Variants in PSMD14 observed in about 807,000 individuals in gnomAD.
PSMD14 encodes proteasome 26S subunit, non-ATPase 14.
PSMD14 carries 7 observed loss-of-function variants against 41.2 expected under a neutral mutation model. That is an observed-to-expected ratio of 0.17 (90% CI 0.10 to 0.32). The LOEUF (loss-of-function observed/expected upper bound fraction) is 0.32, where lower values mean the gene tolerates loss of function less well. PSMD14 is among the 10% of genes least tolerant of loss of function. The pLI, the probability that PSMD14 is intolerant of heterozygous loss-of-function variation, is 1.00. For missense variants in PSMD14, 139 were observed against 375.6 expected (o/e 0.37, Z 5.21); for synonymous variants, 114 against 122.3 (o/e 0.93, Z 0.45).
intron 3 of PSMD14, among the ~76,000 whole-genome samples, chr2:161,331,690 T>A (rs1180569758): frequency 6.6e-6 from 1 of 152,186 alleles, no homozygotes; most frequent in Non-Finnish European, 1.5e-5. Flanking sequence ...CATTGTAACA[T>A]CTAGAACAAA....
chr2:161,349,029 T>C (rs926417170), intron 3 of PSMD14, among the ~76,000 whole-genome samples: 2 of 152,198 alleles, frequency 1.3e-5, no homozygotes, highest in African/African-American at 4.8e-5. Context: ...CATCTTTCTA[T>C]CTTAGGCCGA....
intron 3 of PSMD14, among the ~76,000 whole-genome samples, chr2:161,326,943 C>T (rs928013434): frequency 1.3e-5 from 2 of 151,466 alleles, no homozygotes; most frequent in African/African-American, 4.9e-5. Flanking sequence ...TTTTTCCCTC[C>T]GATATTTTCT....
At chr2:161,343,020 A>C (rs1274108377) in intron 3 of PSMD14, among the ~76,000 whole-genome samples, 1 of 152,132 alleles carries the variant, frequency 6.6e-6, no homozygotes, top group Non-Finnish European at 1.5e-5. Context: ...AAAATCCATG[A>C]TTTATGTTCA....
At chr2:161,361,642 A>G (rs1315613390) in intron 3 of PSMD14, among the ~76,000 whole-genome samples, 1 of 152,244 alleles carries the variant, frequency 6.6e-6, no homozygotes, top group Non-Finnish European at 1.5e-5. Flanking sequence ...TAAATGAACA[A>G]ATAGTAAAGA....
In PSMD14 at chr2:161,351,911, C is replaced by T. The variant is rs763458528; in HGVS notation, c.49-15567C>T. Among the ~76,000 whole-genome samples the T allele has an allele frequency of 6.6e-5, 10 of 152,266 alleles. No homozygotes were observed. In the East Asian group the frequency reaches 1.4e-3, roughly 21 times the overall value. Reference sequence around the variant, plus strand: ...CCTCAAGAGGTTAGGGAAGTGCAGTCGTACTATGTGCCTGAGAGAGCGGAA... The same window carrying T: ...CCTCAAGAGGTTAGGGAAGTGCAGTTGTACTATGTGCCTGAGAGAGCGGAA... On this transcript the variant is annotated intron_variant, in intron 3 of 11. Transcript: ENST00000409682.
At position 161,408,864 on chromosome 2, in the gene PSMD14, C is replaced by A; in HGVS notation, c.799C>A (p.Pro267Thr). Residue 267 changes from proline (P) to threonine (T), a missense_variant, in exon 11 of 12, where the codon CCT becomes ACT. Physicochemically the swap from Pro to Thr is conservative, Grantham distance 38. Around this residue, in one of 4 missense-constraint regions of PSMD14, gnomAD observed 80 missense variants for 138.1 expected, o/e 0.58. Transcript: ENST00000409682. ...KAVEEEDKMT[P>T]EQLAIKNVGK... ...TGTAGAAGAAGAAGATAAGATGACA[C>A]CTGAACAGCTGGCAATAAAGAATGT... 2 of 1,607,346 alleles carry A rather than the reference C, an allele frequency of 1.2e-6. No individual in the cohort carries two copies. Among genetic ancestry groups the A allele is most frequent in the African/African-American group, 1.3e-5 (1 of 74,862 alleles).
chr2:161,358,063 G>A (rs1456126435), intron 3 of PSMD14, among the ~76,000 whole-genome samples: 3 of 152,058 alleles, frequency 2.0e-5, no homozygotes, highest in African/African-American at 4.8e-5. Context: ...AGTGGTAACA[G>A]CCTAAGCCAA....
chr2:161,333,923 T>C (rs547390608), intron 3 of PSMD14, among the ~76,000 whole-genome samples: 1 of 152,096 alleles, frequency 6.6e-6, no homozygotes, highest in African/African-American at 2.4e-5. Context: ...CACAGCTACT[T>C]GGTAGGCTGA....
intron 10 of PSMD14, among the ~76,000 whole-genome samples, chr2:161,406,027 A>C (rs1034840777): frequency 6.6e-6 from 1 of 152,134 alleles, no homozygotes; most frequent in Non-Finnish European, 1.5e-5. Flanking sequence ...AATCCATTGG[A>C]ATTGACCTCC....
intron 3 of PSMD14, among the ~76,000 whole-genome samples, chr2:161,324,319 G>C (rs973036868): frequency 6.6e-6 from 1 of 152,152 alleles, no homozygotes; most frequent in African/African-American, 2.4e-5. Flanking sequence ...CTTTGAATCA[G>C]TGAAAGCTAA....
rs756436351 is a variant in PSMD14, at chr2:161,371,229, T to C, written c.369T>C (p.Ser123=). 6 of 1,612,578 alleles carry C rather than the reference T, an allele frequency of 3.7e-6. No individual in the cohort carries two copies. The Admixed American group carries it at 5.0e-5, about 13-fold the overall frequency. The change falls in exon 7 of 12, where the codon TCT becomes TCC. Residue 123 remains serine (S), a synonymous_variant. Transcript: ENST00000409682. ...HSHPGFGCWL[S]GVDINTQQSF... ...ACCCTGGCTTTGGTTGTTGGCTTTC[T>C]GGTGTGGATATCAACACTCAGCAGA... is the stretch of plus-strand genomic sequence containing the variant.
chr2:161,369,244 A>T (rs1218798922), intron 5 of PSMD14, among the ~76,000 whole-genome samples: 1 of 151,980 alleles, frequency 6.6e-6, no homozygotes, highest in African/African-American at 2.4e-5. Context: ...TGATCCCTAT[A>T]TTCACTCTAA....
intron 3 of PSMD14, among the ~76,000 whole-genome samples, chr2:161,320,162 G>C (rs917713430): frequency 2.0e-5 from 3 of 152,204 alleles, no homozygotes; most frequent in African/African-American, 7.2e-5. Context: ...GAAGTGAGCA[G>C]AGGTGGTATG....
At chr2:161,378,050 C>T (rs1428870798) in intron 7 of PSMD14, among the ~76,000 whole-genome samples, 1 of 151,834 alleles carries the variant, frequency 6.6e-6, no homozygotes, top group Non-Finnish European at 1.5e-5. Context: ...TGACATTAGC[C>T]ATTGTTATTT....
intron 3 of PSMD14, among the ~76,000 whole-genome samples, chr2:161,367,252 A>C (rs1683371655): frequency 6.6e-6 from 1 of 152,226 alleles, no homozygotes; most frequent in African/African-American, 2.4e-5. Context: ...CGAAAGACTT[A>C]AACTTTATGT....
At chr2:161,398,945 A>G (rs576437638) in intron 10 of PSMD14, among the ~76,000 whole-genome samples, 1 of 152,120 alleles carries the variant, frequency 6.6e-6, no homozygotes, top group Non-Finnish European at 1.5e-5. Flanking sequence ...AAACATAAAA[A>G]TCTAAGAGAA....
chr2:161,359,322 T>TTA (rs1683257018), intron 3 of PSMD14, among the ~76,000 whole-genome samples: 2 of 152,162 alleles, frequency 1.3e-5, no homozygotes, highest in African/African-American at 2.4e-5. Flanking sequence ...TTTTATATGC[T>TTA]TATATATATG....
chr2:161,340,752 T>C, intron 3 of PSMD14: 15 of 1,610,648 alleles, frequency 9.3e-6, no homozygotes, highest in Non-Finnish European at 1.3e-5. Context: ...TTCCATTTTA[T>C]CTCTCAAGCT....
intron 8 of PSMD14, among the ~76,000 whole-genome samples, chr2:161,389,270 C>T (rs1048891549): frequency 2.6e-5 from 4 of 152,138 alleles, no homozygotes; most frequent in South Asian, 2.1e-4. Flanking sequence ...GTGAGTGCAT[C>T]GCGCAAATGT....
Sources: allele counts gnomAD v4.1 joint callset (sites outside exome capture counted in the v4.1 genomes callset), GRCh38; gene constraint gnomAD v4.1.1; regional missense constraint gnomAD v4.1.1; transcripts MANE v1.5; gene names NCBI Gene and HGNC (gene_info 2026-07-23, HGNC 2026-07-21).